CEACAM4: variants seen among roughly 807,000 people sequenced by gnomAD.
CEACAM4 encodes cell adhesion molecule CEACAM4.
CEACAM4 carries 30 observed loss-of-function variants against 28.7 expected under a neutral mutation model. The ratio of observed to expected loss-of-function variants is 1.05; its 90% confidence interval spans 0.78 to 1.42. CEACAM4 has a LOEUF of 1.42. CEACAM4 is among the 40% of genes most tolerant of loss of function. The pLI is 0.00. For synonymous variants in CEACAM4, 143 were observed against 126.5 expected (o/e 1.13, Z -0.87); for missense variants, 330 against 308.2 (o/e 1.07, Z -0.53).
chr19:41,626,099 T>TG lies in CEACAM4; in HGVS notation c.65-140dup, dbSNP rs1453024521. 11 of 620,198 alleles carry TG rather than the reference T, an allele frequency of 1.8e-5. No homozygotes were observed. In the African/African-American group the frequency reaches 2.1e-4, roughly 12 times the overall value. 38.4% of individuals were successfully genotyped at this position (620,198 alleles called of 1,614,324 possible). On this transcript the variant is annotated intron_variant, in intron 1 of 6. Coordinates refer to ENST00000221954, the MANE Select transcript of CEACAM4 (RefSeq NM_001817.4). ...GTGTGTGTGTGTGTGTGTGTGTGTG[T>TG]GTGTGTGTGTGTGTGTGTGTGTGTG...
chr19:41,619,372 G>A lies in CEACAM4; in HGVS notation c.693C>T (p.Asn231=), dbSNP rs1555800084. The change falls in exon 7 of 7, where the codon AAC becomes AAT. Residue 231 remains asparagine (N), a synonymous_variant. Coordinates refer to ENST00000221954, the MANE Select transcript of CEACAM4 (RefSeq NM_001817.4). ...CTTTGTGGTCGATCTGGCAGTAAATGTTTGCATCAGAGTATAGCAATTCCT... is the reference window on the plus strand; with the variant it reads ...CTTTGTGGTCGATCTGGCAGTAAATATTTGCATCAGAGTATAGCAATTCCT... ...IYEELLYSDA[N]IYCQIDHKAD... 6.2e-7 allele frequency: 1 copy of A among 1,614,084 alleles called. No individual in the cohort carries two copies. Among genetic ancestry groups the A allele is most frequent in the Non-Finnish European group, 8.5e-7 (1 of 1,179,946 alleles).
chr19:41,621,691 C>T lies in CEACAM4; in HGVS notation c.502G>A (p.Ala168Thr). 6.2e-7 allele frequency: 1 copy of T among 1,611,942 alleles called. No individual in the cohort carries two copies. Among genetic ancestry groups the T allele is most frequent in the Non-Finnish European group, 8.5e-7 (1 of 1,178,104 alleles). Residue 168 changes from alanine (A) to threonine (T), a missense_variant, in exon 3 of 7, where the codon GCC becomes ACC. Coordinates refer to ENST00000221954, the MANE Select transcript of CEACAM4 (RefSeq NM_001817.4). The stretch of plus-strand genomic sequence containing the variant: ...AGAAGCAGAAAACACACCAGGGCGG[C>T]CACCAGAGCCACCCCAACCAGGACC... ...TGVLVGVALV[A>T]ALVCFLLLSR...
intron 2 of CEACAM4, among the ~76,000 whole-genome samples, chr19:41,625,262 A>G (rs1352824064): frequency 6.6e-6 from 1 of 152,080 alleles, no homozygotes; most frequent in Admixed American, 6.5e-5. Flanking sequence ...GGCTTTTGTG[A>G]GGTTCCCAGG....
rs1271571622 is a variant in CEACAM4 at position 41,625,842 on chromosome 19, A to G, written c.183T>C (p.Thr61=). 6.2e-7 allele frequency: 1 copy of G among 1,613,928 alleles called. No individual in the cohort carries two copies. Among genetic ancestry groups the G allele is most frequent in the Admixed American group, 1.7e-5 (1 of 59,982 alleles). ...VLLLACNISE[T]IQAYYWHKGK... ...CCTTGTGCCAATAATAGGCTTGAAT[A>G]GTTTCTGAAATATTGCAGGCCAGTA... Residue 61 remains threonine (T), a synonymous_variant, in exon 2 of 7, where the codon ACT becomes ACC. Coordinates refer to ENST00000221954, the MANE Select transcript of CEACAM4 (RefSeq NM_001817.4).
intron 3 of CEACAM4, among the ~76,000 whole-genome samples, chr19:41,620,963 G>A (rs868950762): frequency 1.3e-5 from 2 of 152,036 alleles, no homozygotes; most frequent in African/African-American, 4.8e-5. Context: ...AGGGAAAGCA[G>A]GGCCGGCTGT....
rs1555800052 is a variant in CEACAM4, at chr19:41,619,349, T to C, written c.716A>G (p.Lys239Arg). The change falls in exon 7 of 7, where the codon AAA becomes AGA. Residue 239 changes from lysine to arginine, a missense_variant. Lys to Arg is a conservative substitution (Grantham distance 26). Coordinates refer to ENST00000221954, the MANE Select transcript of CEACAM4 (RefSeq NM_001817.4). ...DANIYCQIDH[K>R]ADVVS Reference sequence around the variant, plus strand: ...AGGAACCTAAGAGACCACATCTGCTTTGTGGTCGATCTGGCAGTAAATGTT... The same window carrying C: ...AGGAACCTAAGAGACCACATCTGCTCTGTGGTCGATCTGGCAGTAAATGTT... 3 of 1,613,650 alleles carry C rather than the reference T, an allele frequency of 1.9e-6. No individual in the cohort carries two copies. Among genetic ancestry groups the C allele is most frequent in the Admixed American group, 1.7e-5 (1 of 60,000 alleles).
intron 2 of CEACAM4, among the ~76,000 whole-genome samples, chr19:41,622,561 G>A (rs2071358259): frequency 1.3e-5 from 2 of 152,122 alleles, no homozygotes; most frequent in East Asian, 1.9e-4. Context: ...TGAGGGAGAG[G>A]GGCATCACCG....
chr19:41,614,586 G>A (rs1309996302), downstream of CEACAM4, among the ~76,000 whole-genome samples: 4 of 152,126 alleles, frequency 2.6e-5, no homozygotes, highest in South Asian at 4.2e-4. Flanking sequence ...CCTCTTAACC[G>A]TCCATCCTCC....
In CEACAM4 at chr19:41,619,463, C is replaced by A. The variant is rs2071116995; in HGVS notation, c.670-68G>T. ...AGAACAGTGTCTGGCATCTCCCAGG[C>A]TCTGGGCCCACCCAGGGCTTCTCTG... On this transcript the variant is annotated intron_variant, in intron 6 of 6. Coordinates refer to ENST00000221954, the MANE Select transcript of CEACAM4 (RefSeq NM_001817.4). The A allele has an allele frequency of 2.5e-6, 4 of 1,597,502 alleles. No homozygotes were observed. In the South Asian group the frequency reaches 3.3e-5, roughly 13 times the overall value.
chr19:41,620,602 C>G lies in CEACAM4; in HGVS notation c.568G>C (p.Glu190Gln), dbSNP rs546535057. 6.2e-7 allele frequency: 1 copy of G among 1,612,058 alleles called. No homozygotes were observed. Among genetic ancestry groups the G allele is most frequent in the South Asian group, 1.1e-5 (1 of 90,916 alleles). Residue 190 changes from glutamate to glutamine, a missense_variant, in exon 4 of 7, where the codon GAG becomes CAG. Transcript: ENST00000221954. ...GGGGTGGAGGCTGGGGGCGGCTGCT[C>G]CCTGAGGTCACGCTGGATGCTGGCC... is the stretch of plus-strand genomic sequence containing the variant. The part of the protein sequence containing the change: ...GRASIQRDLR[E>Q]QPPPASTPGH...
At chr19:41,616,693 A>G (rs562647102), downstream of CEACAM4, among the ~76,000 whole-genome samples, 1 of 152,300 alleles carries the variant, frequency 6.6e-6, no homozygotes, top group South Asian at 2.1e-4. Flanking sequence ...CCTCTCAAGC[A>G]TCTCCTCAAG....
At chr19:41,626,782 C>G in intron 1 of CEACAM4, 118 bp downstream of exon 1, 1 of 767,620 alleles carries the variant, frequency 1.3e-6, no homozygotes, top group South Asian at 1.7e-5. Flanking sequence ...GGCCCTCAGT[C>G]CCCTCTCAGA....
At position 41,625,795 on chromosome 19, in the gene CEACAM4, G is replaced by A; in HGVS notation, c.230C>T (p.Pro77Leu). The change falls in exon 2 of 7, where the codon CCT (proline) becomes CTT (leucine). Residue 77 changes from proline to leucine, a missense_variant. Pro to Leu is a moderately conservative substitution (Grantham distance 98). Coordinates refer to ENST00000221954, the MANE Select transcript of CEACAM4 (RefSeq NM_001817.4). ...GTCTGTTATATAACCAGCAATGAGA[G>A]GGCTCCCTTCTGCCGTTTTCCCCTT... ...WHKGKTAEGS[P>L]LIAGYITDIQ... The A allele has an allele frequency of 6.2e-7, 1 of 1,613,898 alleles. No individual in the cohort carries two copies. The highest frequency in any genetic ancestry group is 8.5e-7 in the Non-Finnish European group (1 of 1,179,930).
chr19:41,626,093 T>A (rs906309543), intron 1 of CEACAM4, 133 bp from the exon 2 acceptor site: 1 of 602,974 alleles, frequency 1.7e-6, no homozygotes, highest in East Asian at 3.0e-5. Context: ...TGTGTGTGTG[T>A]GTGTGTGTGT....
At chr19:41,625,282 G>A (rs1555803318) in intron 2 of CEACAM4, among the ~76,000 whole-genome samples, 1 of 152,166 alleles carries the variant, frequency 6.6e-6, no homozygotes, top group Non-Finnish European at 1.5e-5. Context: ...GACGCCCTCA[G>A]GCCAGGCCCT....
intron 2 of CEACAM4, among the ~76,000 whole-genome samples, chr19:41,623,149 TAGG>T (rs2071409936): frequency 6.6e-6 from 1 of 152,194 alleles, no homozygotes; most frequent in Non-Finnish European, 1.5e-5. Flanking sequence ...TCCGAGTATC[TAGG>T]ATTACAGGCA....
At chr19:41,616,284 A>G (rs1307408909), downstream of CEACAM4, among the ~76,000 whole-genome samples, 1 of 152,088 alleles carries the variant, frequency 6.6e-6, no homozygotes, top group African/African-American at 2.4e-5. Context: ...TGCCTGCCTC[A>G]GCCTCCAAAA....
chr19:41,623,856 G>T (rs1029921637), intron 2 of CEACAM4, among the ~76,000 whole-genome samples: 3 of 152,118 alleles, frequency 2.0e-5, no homozygotes, highest in Non-Finnish European at 4.4e-5. Flanking sequence ...ATTATTATGG[G>T]ATATTCATAG....
At chr19:41,621,931 G>T (rs1006364987) in intron 2 of CEACAM4, among the ~76,000 whole-genome samples, 163 bp from the exon 3 acceptor site, 1 of 152,102 alleles carries the variant, frequency 6.6e-6, no homozygotes, top group Admixed American at 6.5e-5. Context: ...TGCTCTCCAC[G>T]GTTGCACCAT....
Sources: allele counts gnomAD v4.1 joint callset (sites outside exome capture counted in the v4.1 genomes callset), GRCh38; gene constraint gnomAD v4.1.1; transcripts MANE v1.5; gene names NCBI Gene and HGNC (gene_info 2026-07-23, HGNC 2026-07-21).